SDK1: variants seen among roughly 807,000 people sequenced by gnomAD.
The protein encoded by SDK1 is protein sidekick-1.
In SDK1, 157 loss-of-function variants were observed where a neutral mutation model predicts 245.5. The observed-to-expected ratio is 0.64, with a 90% CI of 0.56 to 0.73. The LOEUF (loss-of-function observed/expected upper bound fraction) is 0.73. Among genes scored for constraint, SDK1 ranks in the 30% least tolerant of loss-of-function variants. The pLI is 0.00. For synonymous variants in SDK1, 1,647 were observed against 1,278.5 expected (o/e 1.29, Z -6.15); for missense variants, 3,583 against 3,002.3 (o/e 1.19, Z -4.52).
At chr7:3,449,729 C>G (rs954536429) in intron 1 of SDK1, among the ~76,000 whole-genome samples, 8 of 152,176 alleles carry the variant, frequency 5.3e-5, no homozygotes, top group South Asian at 2.1e-4. Context: ...CGGCAGAGAC[C>G]TGTGTAACTA....
chr7:3,980,027 G>A (rs750173013), intron 13 of SDK1, among the ~76,000 whole-genome samples: 7 of 152,256 alleles, frequency 4.6e-5, no homozygotes, highest in South Asian at 4.1e-4. Context: ...AAGGAGTGAA[G>A]AATTTAATAC....
chr7:4,156,783 C>G (rs987560051), intron 30 of SDK1, among the ~76,000 whole-genome samples: 1 of 152,176 alleles, frequency 6.6e-6, no homozygotes, highest in Non-Finnish European at 1.5e-5. Flanking sequence ...GGCCTCTGGA[C>G]TTCAGAGACT....
At chr7:4,242,097 G>A (rs1057207575) in intron 43 of SDK1, among the ~76,000 whole-genome samples, 184 bp downstream of exon 43, 9 of 152,182 alleles carry the variant, frequency 5.9e-5, no homozygotes, top group African/African-American at 1.7e-4. Flanking sequence ...GGACGGGGTC[G>A]GCAGAGCGGC....
chr7:3,886,903 G>A (rs754689706), intron 5 of SDK1, among the ~76,000 whole-genome samples: 1 of 152,172 alleles, frequency 6.6e-6, no homozygotes, highest in Non-Finnish European at 1.5e-5. Context: ...GCAAGAGAAT[G>A]AGATCTCAAT....
intron 5 of SDK1, among the ~76,000 whole-genome samples, chr7:3,916,513 A>T (rs1779385492): frequency 6.6e-6 from 1 of 152,222 alleles, no homozygotes; most frequent in Admixed American, 6.5e-5. Flanking sequence ...TTAAAAGATG[A>T]TGGAAAGTCA....
chr7:3,871,003 T>A (rs1780942078), intron 5 of SDK1, among the ~76,000 whole-genome samples: 1 of 152,240 alleles, frequency 6.6e-6, no homozygotes, highest in Admixed American at 6.5e-5. Flanking sequence ...GAAGTTGACA[T>A]CTTCACAACA....
At chr7:4,156,493 GTGCC>G (rs1780747881) in intron 30 of SDK1, among the ~76,000 whole-genome samples, 1 of 152,206 alleles carries the variant, frequency 6.6e-6, no homozygotes, top group Non-Finnish European at 1.5e-5. Context: ...GGTCTGAGAT[GTGCC>G]TGCGGTCAGG....
intron 1 of SDK1, among the ~76,000 whole-genome samples, chr7:3,347,035 A>G (rs1780527136): frequency 6.6e-6 from 1 of 150,900 alleles, no homozygotes; most frequent in African/African-American, 2.4e-5. Context: ...CACTTCATAC[A>G]CCAAAGTCTG....
chr7:3,742,475 C>G (rs1562410141), intron 4 of SDK1, among the ~76,000 whole-genome samples: 1 of 152,130 alleles, frequency 6.6e-6, no homozygotes, highest in African/African-American at 2.4e-5. Context: ...CTTACACAAA[C>G]CAGCCCTAGG....
At chr7:3,466,090 G>A (rs1780991800) in intron 1 of SDK1, among the ~76,000 whole-genome samples, 1 of 151,948 alleles carries the variant, frequency 6.6e-6, no homozygotes, top group South Asian at 2.1e-4. Context: ...TTTGTTACAG[G>A]ATATGCCTTG....
chr7:3,762,335 C>G (rs1287294360), intron 4 of SDK1, among the ~76,000 whole-genome samples: 1 of 152,208 alleles, frequency 6.6e-6, no homozygotes, highest in African/African-American at 2.4e-5. Context: ...GCACCTGCTG[C>G]AGCGCTTGGA....
At chr7:3,970,439 C>G (rs1782397302) in intron 11 of SDK1, among the ~76,000 whole-genome samples, 1 of 152,206 alleles carries the variant, frequency 6.6e-6, no homozygotes, top group Admixed American at 6.5e-5. Context: ...GTGGATGACT[C>G]TGTCAGCCAC....
chr7:3,756,446 T>A (rs958584096), intron 4 of SDK1, among the ~76,000 whole-genome samples: 2 of 152,178 alleles, frequency 1.3e-5, no homozygotes, highest in African/African-American at 4.8e-5. Context: ...GCATAGCACA[T>A]GTGACACATG....
At chr7:3,840,081 C>G (rs1413894188) in intron 5 of SDK1, among the ~76,000 whole-genome samples, 2 of 152,110 alleles carry the variant, frequency 1.3e-5, no homozygotes. Context: ...TAAAATTTTA[C>G]AGTACACTAG....
intron 44 of SDK1, among the ~76,000 whole-genome samples, chr7:4,257,042 T>A (rs1349899580): frequency 6.6e-6 from 1 of 152,218 alleles, no homozygotes; most frequent in Non-Finnish European, 1.5e-5. Context: ...AGAGGGTTTG[T>A]CACGGTTTTA....
At chr7:4,262,788 C>T (rs1338944446) in intron 44 of SDK1, among the ~76,000 whole-genome samples, 2 of 86,422 alleles carry the variant, frequency 2.3e-5, no homozygotes, top group African/African-American at 9.5e-5. Context: ...ACCCCCTCTC[C>T]TCCCCTCCCT....
chr7:3,498,503 G>GCC (rs1782092397), intron 1 of SDK1, among the ~76,000 whole-genome samples: 1 of 152,072 alleles, frequency 6.6e-6, no homozygotes, highest in Non-Finnish European at 1.5e-5. Context: ...TTAACACATT[G>GCC]CCTAGTATAT....
chr7:4,190,386 A>G (rs1783124919), intron 35 of SDK1, among the ~76,000 whole-genome samples: 1 of 152,190 alleles, frequency 6.6e-6, no homozygotes. Flanking sequence ...TGTGCTGGTC[A>G]CAGATGGTCA....
At chr7:3,675,038 A>G (rs937052806) in intron 4 of SDK1, among the ~76,000 whole-genome samples, 3 of 152,222 alleles carry the variant, frequency 2.0e-5, no homozygotes, top group African/African-American at 7.2e-5. Context: ...TACATGGGTT[A>G]GAGTTTGCTA....
Sources: gnomAD v4.1 joint callset for allele counts (sites outside exome capture counted in the v4.1 genomes callset) on GRCh38, gnomAD v4.1.1 for gene constraint, MANE v1.5 for transcripts, NCBI Gene and HGNC (gene_info 2026-07-23, HGNC 2026-07-21) for gene names.